PPP1R8: variants seen among roughly 807,000 people sequenced by gnomAD.
PPP1R8 encodes nuclear inhibitor of protein phosphatase 1.
In PPP1R8, 4 loss-of-function variants were observed where a neutral mutation model predicts 31.3. That is an observed-to-expected ratio of 0.13 (90% CI 0.06 to 0.29). The LOEUF is 0.29. PPP1R8 is among the 10% of genes least tolerant of loss of function. The probability of loss-of-function intolerance (pLI) is 1.00; values close to 1 mark genes in which losing one functional copy is unlikely to be tolerated. For missense variants in PPP1R8, 254 were observed against 440.1 expected (o/e 0.58, Z 3.78); for synonymous variants, 170 against 169.7 (o/e 1.00, Z -0.01).
chr1:27,847,663 G>A (rs541504004), intron 6 of PPP1R8, among the ~76,000 whole-genome samples: 2 of 152,216 alleles, frequency 1.3e-5, no homozygotes, highest in African/African-American at 4.8e-5. Context: ...CCGGGGAGGT[G>A]GAAGTTGCAG....
intron 2 of PPP1R8, 116 bp downstream of exon 2, chr1:27,832,932 C>T (rs745898301): frequency 1.1e-6 from 1 of 875,660 alleles, no homozygotes. Context: ...TTTCTTTCAT[C>T]CTGATTTTTT....
chr1:27,851,646 C>G lies in PPP1R8; in HGVS notation c.*1200C>G, dbSNP rs1379492800. 3 of 484,498 alleles carry G rather than the reference C, an allele frequency of 6.2e-6. No individual in the cohort carries two copies. Among genetic ancestry groups the G allele is most frequent in the Non-Finnish European group, 1.2e-5 (3 of 241,286 alleles). 30.0% of individuals were successfully genotyped at this position (484,498 alleles called of 1,614,324 possible). On this transcript the variant is annotated 3_prime_UTR_variant, in exon 7 of 7. Transcript: ENST00000311772. ...GCAATGCTCCATCCCCATTATATTA[C>G]AAATAAAGATGCCCTAAATGAGTGT...
At chr1:27,840,933 G>GA (rs2089216692) in intron 3 of PPP1R8, 81 bp from the exon 4 acceptor site, 4 of 1,413,126 alleles carry the variant, frequency 2.8e-6, no homozygotes, top group Non-Finnish European at 3.9e-6. Context: ...CCTGATAAGA[G>GA]AGTTGGCGAT....
At chr1:27,834,177 A>C (rs1380009818) in intron 2 of PPP1R8, among the ~76,000 whole-genome samples, 3 of 152,216 alleles carry the variant, frequency 2.0e-5, no homozygotes, top group African/African-American at 7.2e-5. Flanking sequence ...TCTTAATGAT[A>C]ACATCACATT....
Position 27,843,292 on chromosome 1 carries a change from G to A in PPP1R8, c.599G>A (p.Arg200Gln), listed in dbSNP as rs774283162. 2.1e-5 allele frequency: 34 copies of A among 1,614,038 alleles called. No individual in the cohort carries two copies. The highest frequency in any genetic ancestry group is 2.7e-5 in the Non-Finnish European group (32 of 1,180,022). The stretch of plus-strand genomic sequence containing the variant: ...CCAAAGAGGAAGAGGAAGAACTCAC[G>A]GGTGACATTCAGTGAGGATGATGAG... Reference protein sequence around the residue: ...QRPKRKRKNSRVTFSEDDEII... With the variant: ...QRPKRKRKNSQVTFSEDDEII... The change falls in exon 5 of 7, where the codon CGG (arginine) becomes CAG (glutamine). Residue 200 changes from arginine (R) to glutamine (Q), a missense_variant. By Grantham distance (43) the Arg-to-Gln change is conservative. Coordinates refer to ENST00000311772, the MANE Select transcript of PPP1R8 (RefSeq NM_014110.5).
At chr1:27,835,746 T>C (rs2089158419) in intron 2 of PPP1R8, among the ~76,000 whole-genome samples, 1 of 152,254 alleles carries the variant, frequency 6.6e-6, no homozygotes, top group East Asian at 1.9e-4. Flanking sequence ...TTAAAACAGC[T>C]TAGACTCTGA....
chr1:27,832,876 C>A, intron 2 of PPP1R8, 60 bp downstream of exon 2: 1 of 1,355,756 alleles, frequency 7.4e-7, no homozygotes, highest in South Asian at 1.2e-5. Context: ...GCCAGTGACT[C>A]ACTTTTCCAC....
chr1:27,849,174 C>G (rs944850252), intron 6 of PPP1R8, among the ~76,000 whole-genome samples: 1 of 152,078 alleles, frequency 6.6e-6, no homozygotes, highest in African/African-American at 2.4e-5. Context: ...GAGTTCAAGA[C>G]CAGCCTGACC....
intron 6 of PPP1R8, among the ~76,000 whole-genome samples, chr1:27,849,796 T>C (rs1217341390): frequency 6.6e-6 from 1 of 151,788 alleles, no homozygotes; most frequent in Non-Finnish European, 1.5e-5. Flanking sequence ...TAAATTAAAT[T>C]GATATGTTTT....
At chr1:27,844,087 T>G (rs1009852957) in intron 5 of PPP1R8, among the ~76,000 whole-genome samples, 2 of 152,096 alleles carry the variant, frequency 1.3e-5, no homozygotes, top group Non-Finnish European at 1.5e-5. Context: ...ACTACAGCCT[T>G]GACCACCCAG....
chr1:27,839,583 A>G (rs2089203399), intron 3 of PPP1R8, among the ~76,000 whole-genome samples: 1 of 152,208 alleles, frequency 6.6e-6, no homozygotes, highest in African/African-American at 2.4e-5. Flanking sequence ...TGTGTGTTCA[A>G]GTGTTTATAG....
intron 1 of PPP1R8, chr1:27,831,467 C>T (rs767129044): frequency 7.0e-6 from 4 of 574,562 alleles, no homozygotes; most frequent in Non-Finnish European, 8.8e-6. Context: ...TTCGAAAGTT[C>T]TTGGGAATAA....
At chr1:27,835,070 C>T (rs1004251434) in intron 2 of PPP1R8, among the ~76,000 whole-genome samples, 1 of 152,072 alleles carries the variant, frequency 6.6e-6, no homozygotes, top group African/African-American at 2.4e-5. Context: ...GCCTTTAATA[C>T]TGAATGTGTA....
chr1:27,838,814 A>G lies in PPP1R8; in HGVS notation c.233A>G (p.Lys78Arg), dbSNP rs1266455231. The G allele has an allele frequency of 2.5e-6, 4 of 1,610,702 alleles. No individual in the cohort carries two copies. The African/African-American group carries it at 4.0e-5, about 16-fold the overall frequency. The change falls in exon 3 of 7, where the codon AAG (lysine) becomes AGG (arginine). Residue 78 changes from lysine to arginine, a missense_variant. This residue lies in a region of PPP1R8 where 52 missense variants were observed against 145.3 expected (regional missense o/e 0.36). Coordinates refer to ENST00000311772, the MANE Select transcript of PPP1R8 (RefSeq NM_014110.5). Reference sequence around the variant, plus strand: ...GTCCATGCTGCACTTGTCTACCACAAGCATCTGAAGAGAGTTTTCCTGATA... The same window carrying G: ...GTCCATGCTGCACTTGTCTACCACAGGCATCTGAAGAGAGTTTTCCTGATA... ...SRVHAALVYH[K>R]HLKRVFLIDL...
chr1:27,831,127 G>T, intron 1 of PPP1R8: 2 of 1,323,190 alleles, frequency 1.5e-6, no homozygotes, highest in Non-Finnish European at 1.9e-6. Flanking sequence ...GCTCACTTAG[G>T]CAGCCCCTTT....
chr1:27,830,951 G>A (rs1353949770), intron 1 of PPP1R8, 60 bp downstream of exon 1: 50 of 1,479,946 alleles, frequency 3.4e-5, no homozygotes, highest in Non-Finnish European at 4.3e-5. Flanking sequence ...GGGCTGGAAG[G>A]GCGGCTCTTT....
intron 4 of PPP1R8, 61 bp downstream of exon 4, chr1:27,841,295 C>G (rs2089220455): frequency 6.4e-7 from 1 of 1,556,864 alleles, no homozygotes; most frequent in Admixed American, 1.7e-5. Flanking sequence ...GAGTATACAG[C>G]TGTTCTATGT....
Position 27,838,864 on chromosome 1 carries a change from C to T in PPP1R8, c.271+12C>T, listed in dbSNP as rs1415627645. On this transcript the variant is annotated intron_variant, in intron 3 of 6. Transcript: ENST00000311772. ...AGATCTCAACAGTAGTAAGTAACTC[C>T]CTCCCAATTCACATGTTACCTTTAG... 6.4e-7 allele frequency: 1 copy of T among 1,556,694 alleles called. No homozygotes were observed. The highest frequency in any genetic ancestry group is 1.4e-5 in the African/African-American group (1 of 73,094).
rs1257469601 is a variant in PPP1R8, at chr1:27,850,426, A to G, written c.1036A>G (p.Thr346Ala). The change falls in exon 7 of 7, where the codon ACA becomes GCA. Residue 346 changes from threonine to alanine, a missense_variant. Transcript: ENST00000311772. ...AKEAWPGKKP[T>A]PSLLI ...AGAGGCTTGGCCAGGCAAGAAGCCC[A>G]CACCTTCCTTGCTGATTTGATATTT... is the stretch of plus-strand genomic sequence containing the variant. 7.1e-7 allele frequency: 1 copy of G among 1,400,494 alleles called. No individual in the cohort carries two copies. The highest frequency in any genetic ancestry group is 1.9e-5 in the Admixed American group (1 of 52,706). 86.8% of individuals were successfully genotyped at this position (1,400,494 alleles called of 1,614,324 possible).
Sources: allele counts gnomAD v4.1 joint callset (sites outside exome capture counted in the v4.1 genomes callset), GRCh38; gene constraint gnomAD v4.1.1; regional missense constraint gnomAD v4.1.1; transcripts MANE v1.5; gene names NCBI Gene and HGNC (gene_info 2026-07-23, HGNC 2026-07-21).